ADAM9: variants seen among roughly 807,000 people sequenced by gnomAD.
ADAM9 encodes ADAM metallopeptidase domain 9.
In ADAM9, 54 loss-of-function variants were observed where a neutral mutation model predicts 108.1. The ratio of observed to expected loss-of-function variants is 0.50; its 90% CI spans 0.40 to 0.63. The LOEUF (loss-of-function observed/expected upper bound fraction) is 0.63, where lower values mean the gene tolerates loss of function less well. ADAM9 is among the 20% of genes least tolerant of loss of function. ADAM9 has a pLI of 0.00. For synonymous variants in ADAM9, 316 were observed against 336.0 expected (o/e 0.94, Z 0.65); for missense variants, 830 against 997.7 (o/e 0.83, Z 2.26).
chr8:39,021,532 C>T, intron 7 of ADAM9, 111 bp from the exon 8 acceptor site: 1 of 925,602 alleles, frequency 1.1e-6, no homozygotes, highest in South Asian at 1.3e-5. Flanking sequence ...GATCTACCCG[C>T]CTGGGCCTCT....
At chr8:39,100,535 C>T (rs1457815862) in intron 20 of ADAM9, among the ~76,000 whole-genome samples, 1 of 151,992 alleles carries the variant, frequency 6.6e-6, no homozygotes, top group East Asian at 1.9e-4. Flanking sequence ...TTCCCATACC[C>T]ATCACCTCAC....
At chr8:39,045,247 CATAT>C (rs199966686) in intron 12 of ADAM9, among the ~76,000 whole-genome samples, 3 of 129,818 alleles carry the variant, frequency 2.3e-5, no homozygotes, top group Non-Finnish European at 3.3e-5. Context: ...TGTATACATA[CATAT>C]ATGTGTATAT....
At chr8:39,092,128 G>C (rs1486725962) in intron 20 of ADAM9, among the ~76,000 whole-genome samples, 1 of 152,080 alleles carries the variant, frequency 6.6e-6, no homozygotes, top group African/African-American at 2.4e-5. Flanking sequence ...TTATTGATCT[G>C]CATGTATCCC....
chr8:39,068,735 G>T (rs1838578810), intron 14 of ADAM9, among the ~76,000 whole-genome samples: 1 of 146,834 alleles, frequency 6.8e-6, no homozygotes, highest in Non-Finnish European at 1.5e-5. Context: ...TCAGCATTCT[G>T]GGAGGGAAAC....
chr8:39,084,254 T>A (rs1300061859), intron 18 of ADAM9, among the ~76,000 whole-genome samples: 1 of 152,078 alleles, frequency 6.6e-6, no homozygotes, highest in Non-Finnish European at 1.5e-5. Context: ...ATGTGCCTTG[T>A]ATATATTTTC....
chr8:39,046,128 TATC>T (rs1008017669), intron 12 of ADAM9, among the ~76,000 whole-genome samples: 4 of 152,202 alleles, frequency 2.6e-5, no homozygotes, highest in African/African-American at 9.6e-5. Flanking sequence ...CATTTATTTG[TATC>T]ATCTTTTATT....
chr8:39,057,739 G>T (rs192781362), intron 14 of ADAM9, among the ~76,000 whole-genome samples: 5 of 152,218 alleles, frequency 3.3e-5, no homozygotes, highest in African/African-American at 1.2e-4. Context: ...AAATTGATTG[G>T]ATGGGGCCCA....
intron 11 of ADAM9, among the ~76,000 whole-genome samples, chr8:39,037,341 G>T (rs1413001960): frequency 7.0e-6 from 1 of 142,206 alleles, no homozygotes. Context: ...AAGCCACCAC[G>T]CCCGGCCTGC....
chr8:39,042,229 A>G lies in ADAM9; in HGVS notation c.1302+112A>G, dbSNP rs114591257. On this transcript the variant is annotated intron_variant, in intron 12 of 21. Coordinates refer to ENST00000487273, the MANE Select transcript of ADAM9 (RefSeq NM_003816.3). The stretch of plus-strand genomic sequence containing the variant: ...AGGAGCTAAAGTAAAATTTAGTGGC[A>G]CAGTGAGGATTGTTATTTTGTTTGT... 1.7e-3 allele frequency: 1,934 copies of G among 1,165,402 alleles called. 29 individuals carry two copies. The African/African-American group carries it at 0.027, about 16-fold the overall frequency. The allele number at this position is 1,165,402 out of a possible 1,614,324, so 72.2% of individuals were successfully genotyped here. A position where few individuals can be genotyped will look rare whatever the true frequency, so the allele number is the denominator to read the frequency against.
Position 39,010,921 on chromosome 8 carries a change from C to T in ADAM9, c.196-737C>T, listed in dbSNP as rs1042424743. ...CAGCCTTACCAATGTGGTGAAACCC[C>T]GTCTCTACTAAAAATGCAAAAATTA... On this transcript the variant is annotated intron_variant, in intron 2 of 21. Coordinates refer to ENST00000487273, the MANE Select transcript of ADAM9 (RefSeq NM_003816.3). 1.3e-4 allele frequency among the ~76,000 whole-genome samples: 19 copies of T among 151,978 alleles called. No homozygotes were observed. The South Asian group carries it at 3.8e-3, about 30-fold the overall frequency.
At chr8:39,032,469 G>A (rs1231480095) in intron 11 of ADAM9, among the ~76,000 whole-genome samples, 1 of 152,250 alleles carries the variant, frequency 6.6e-6, no homozygotes, top group African/African-American at 2.4e-5. Flanking sequence ...CGTAGGACCC[G>A]CCGAGCCAGG....
At chr8:39,076,193 A>G (rs1838845509) in intron 15 of ADAM9, 1 of 152,210 alleles carries the variant, frequency 6.6e-6, no homozygotes, top group South Asian at 2.1e-4. Context: ...ATGCTTCAAG[A>G]GGCAGTGAGG....
intron 10 of ADAM9, among the ~76,000 whole-genome samples, 197 bp from the exon 11 acceptor site, chr8:39,026,480 C>T (rs183617270): frequency 2.0e-5 from 3 of 152,290 alleles, no homozygotes; most frequent in Non-Finnish European, 4.4e-5. Flanking sequence ...TTGAAGGATC[C>T]ATGTCCATCA....
chr8:39,011,557 T>G, intron 2 of ADAM9, 101 bp from the exon 3 acceptor site: 5 of 1,116,330 alleles, frequency 4.5e-6, no homozygotes, highest in Non-Finnish European at 6.7e-6. Flanking sequence ...TACCAAATTA[T>G]TTTAATTCAG....
At position 39,104,810 on chromosome 8, in the gene ADAM9, T is replaced by C. The variant is rs1275934886; in HGVS notation, c.*1110T>C. On this transcript the variant is annotated 3_prime_UTR_variant, in exon 22 of 22. Transcript: ENST00000487273. ...TCATCTTAGCTGTGTTAAAAATGAA[T>C]TTTTACTATGGCAGATATGGTATGG... 1.1e-5 allele frequency: 5 copies of C among 453,652 alleles called. No homozygotes were observed. The highest frequency in any genetic ancestry group is 2.0e-5 in the African/African-American group (1 of 49,988). The allele number at this position is 453,652 out of a possible 1,614,324, so 28.1% of individuals were successfully genotyped here. A position where few individuals can be genotyped will look rare whatever the true frequency, so the allele number is the denominator to read the frequency against.
Position 39,054,589 on chromosome 8 carries a change from C to T in ADAM9, c.1395+16C>T. On this transcript the variant is annotated intron_variant, in intron 13 of 21. Coordinates refer to ENST00000487273, the MANE Select transcript of ADAM9 (RefSeq NM_003816.3). The stretch of plus-strand genomic sequence containing the variant: ...AGACTGTCGGGTAAGGAATTCCTCC[C>T]TTTTGGAAACAGGAAAAAAAAAAAA... 8.1e-7 allele frequency: 1 copy of T among 1,228,102 alleles called. No homozygotes were observed. The highest frequency in any genetic ancestry group is 2.6e-5 in the East Asian group (1 of 38,564). 76.1% of individuals were successfully genotyped at this position (1,228,102 alleles called of 1,614,324 possible).
At chr8:39,018,253 G>T (rs537882213) in intron 6 of ADAM9, among the ~76,000 whole-genome samples, 91 of 152,140 alleles carry the variant, frequency 6.0e-4, no homozygotes, top group Non-Finnish European at 1.2e-3. Context: ...TATTGCCTCT[G>T]CTGCTATCCA....
At position 39,044,767 on chromosome 8, in the gene ADAM9, A is replaced by G. The variant is rs111271086; in HGVS notation, c.1302+2650A>G. 1.6e-4 allele frequency among the ~76,000 whole-genome samples: 25 copies of G among 152,196 alleles called. 1 individual carries two copies. The highest frequency in any genetic ancestry group is 6.0e-4 in the African/African-American group (25 of 41,498). On this transcript the variant is annotated intron_variant, in intron 12 of 21. Transcript: ENST00000487273. ...TTTCTGAGTTAGTTCACTTAGGATA[A>G]TGGCCTCCAGCTCCATCCATGTTGC...
intron 7 of ADAM9, among the ~76,000 whole-genome samples, chr8:39,020,005 G>T (rs557775383): frequency 1.3e-5 from 2 of 152,340 alleles, no homozygotes; most frequent in South Asian, 4.1e-4. Flanking sequence ...GTTTTCCTTG[G>T]CTGGGCGCAG....
Sources: gnomAD v4.1 joint callset for allele counts (sites outside exome capture counted in the v4.1 genomes callset) on GRCh38, gnomAD v4.1.1 for gene constraint, MANE v1.5 for transcripts, NCBI Gene and HGNC (gene_info 2026-07-23, HGNC 2026-07-21) for gene names.